Variants in SPATS2L observed in about 807,000 individuals in gnomAD.
SPATS2L encodes spermatogenesis associated serine rich 2 like, also known as SPATS2-like protein.
Under a neutral mutation model 59.6 loss-of-function variants are expected in SPATS2L, and 30 were observed. That is an observed-to-expected ratio of 0.50 (90% CI 0.38 to 0.68). The LOEUF (loss-of-function observed/expected upper bound fraction) is 0.68. SPATS2L is among the 30% of genes least tolerant of loss of function. The pLI is 0.00. For missense variants in SPATS2L, 615 were observed against 700.0 expected (o/e 0.88, Z 1.37); for synonymous variants, 252 against 263.5 (o/e 0.96, Z 0.42).
intron 3 of SPATS2L, among the ~76,000 whole-genome samples, chr2:200,394,215 C>T (rs1017648692): frequency 2.0e-5 from 3 of 152,192 alleles, no homozygotes; most frequent in African/African-American, 7.2e-5. Flanking sequence ...GAGTGGACCC[C>T]GTCCACCTTT....
rs1176097933 is a variant in SPATS2L at position 200,479,985 on chromosome 2, T to A, written c.*1954T>A. On this transcript the variant is annotated 3_prime_UTR_variant, in exon 13 of 13. Transcript: ENST00000409140. ...AAATGTTCGGCACTGTAGGCCCTGT[T>A]TACCCCATCTGAGGCCCTGAATTCA... is the stretch of plus-strand genomic sequence containing the variant. 1 of 372,640 alleles carries A rather than the reference T, an allele frequency of 2.7e-6. No homozygotes were observed. The highest frequency in any genetic ancestry group is 2.1e-5 in the African/African-American group (1 of 48,262). The allele number at this position is 372,640 out of a possible 1,614,324, so 23.1% of individuals were successfully genotyped here.
chr2:200,419,193 C>A (rs1404404342), intron 5 of SPATS2L, 57 bp from the exon 6 acceptor site: 10 of 1,476,110 alleles, frequency 6.8e-6, no homozygotes, highest in Non-Finnish European at 9.1e-6. Flanking sequence ...CTCAGATTCA[C>A]CTTATATTTC....
intron 2 of SPATS2L, among the ~76,000 whole-genome samples, chr2:200,340,311 G>GT (rs1042150777): frequency 3.9e-5 from 6 of 152,130 alleles, no homozygotes; most frequent in Non-Finnish European, 5.9e-5. Context: ...GCCACCAGCA[G>GT]TTTTTTCTGC....
chr2:200,363,221 C>T lies in SPATS2L; in HGVS notation c.-22-26002C>T, dbSNP rs577583822. On this transcript the variant is annotated intron_variant, in intron 2 of 12. Coordinates refer to ENST00000409140, the MANE Select transcript of SPATS2L (RefSeq NM_001100423.2). ...TTTTTTTTTAATTATACTACTACTA[C>T]CACCTCGTTATAAAATCTGCATTAC... 3.5e-3 allele frequency among the ~76,000 whole-genome samples: 528 copies of T among 152,180 alleles called. 3 individuals are homozygous for T. Among genetic ancestry groups the T allele is most frequent in the Admixed American group, 7.0e-3 (107 of 15,282 alleles).
chr2:200,339,945 G>T (rs757590864), intron 2 of SPATS2L, among the ~76,000 whole-genome samples: 14 of 152,144 alleles, frequency 9.2e-5, no homozygotes, highest in South Asian at 2.1e-4. Context: ...TTGTGTCGGG[G>T]GTGCCCTGAG....
rs1342557678 is a variant in SPATS2L, at chr2:200,481,394, C to G, written c.*3363C>G. 2 of 152,220 alleles carry G rather than the reference C, an allele frequency of 1.3e-5. No individual in the cohort carries two copies. The highest frequency in any genetic ancestry group is 4.8e-5 in the African/African-American group (2 of 41,454). 9.4% of individuals were successfully genotyped at this position (152,220 alleles called of 1,614,324 possible). ...TGAAAGCCTTGATTTGAACCTCAAA[C>G]TTGATTTCACCATGAGAAGTGGGGA... is the stretch of plus-strand genomic sequence containing the variant. On this transcript the variant is annotated 3_prime_UTR_variant, in exon 13 of 13. Coordinates refer to ENST00000409140, the MANE Select transcript of SPATS2L (RefSeq NM_001100423.2).
At chr2:200,372,787 T>C (rs296781) in intron 2 of SPATS2L, among the ~76,000 whole-genome samples, 29,592 of 152,128 alleles carry the variant, frequency 0.19, 5,084 homozygotes, top group African/African-American at 0.47. Flanking sequence ...CCTTAACATA[T>C]AAGCCTTAGT....
intron 2 of SPATS2L, among the ~76,000 whole-genome samples, chr2:200,355,563 A>G: frequency 6.6e-6 from 1 of 152,212 alleles, no homozygotes; most frequent in Admixed American, 6.5e-5. Flanking sequence ...TCCACACACG[A>G]TTGTTCTTCA....
At chr2:200,405,413 C>T (rs1184163085) in intron 3 of SPATS2L, among the ~76,000 whole-genome samples, 1 of 151,872 alleles carries the variant, frequency 6.6e-6, no homozygotes, top group Non-Finnish European at 1.5e-5. Flanking sequence ...TGATTTGTAC[C>T]CCTGGTGTTA....
intron 2 of SPATS2L, among the ~76,000 whole-genome samples, chr2:200,377,366 A>G (rs988147773): frequency 6.6e-6 from 1 of 152,230 alleles, no homozygotes; most frequent in Admixed American, 6.5e-5. Flanking sequence ...TAAGGGCCCA[A>G]GATCCTGTGC....
intron 1 of SPATS2L, 71 bp downstream of exon 1, chr2:200,306,993 C>T: frequency 1.0e-6 from 1 of 979,650 alleles, no homozygotes; most frequent in Non-Finnish European, 1.2e-6. Flanking sequence ...GAGGGGCCTG[C>T]GCGGCCGGGA....
At chr2:200,426,332 T>C (rs902248516) in intron 6 of SPATS2L, among the ~76,000 whole-genome samples, 8 of 152,182 alleles carry the variant, frequency 5.3e-5, no homozygotes, top group Non-Finnish European at 1.2e-4. Flanking sequence ...CCTTGTGATC[T>C]GCCCACCTCG....
Position 200,440,660 on chromosome 2 carries a change from G to T in SPATS2L, c.664G>T (p.Glu222Ter). The T allele has an allele frequency of 1.2e-6, 2 of 1,612,298 alleles. No individual in the cohort carries two copies. Among genetic ancestry groups the T allele is most frequent in the South Asian group, 1.1e-5 (1 of 90,850 alleles). ...GACATCAATTTTAGGCCCAAATATT[G>T]AGAAATCAGTGAAGGATTTGCAACG... Reference protein sequence around the residue: ...ELAKKRGPNIEKSVKDLQRCT... With the variant: ...ELAKKRGPNI Residue 222 changes from glutamate (E) to a stop codon, truncating the protein, a stop_gained, in exon 8 of 13, where the codon GAG (glutamate) becomes TAG (stop). Transcript: ENST00000409140. LOFTEE classifies it high-confidence loss of function.
chr2:200,443,697 A>T (rs968868347), intron 8 of SPATS2L, among the ~76,000 whole-genome samples: 1 of 152,218 alleles, frequency 6.6e-6, no homozygotes, highest in Non-Finnish European at 1.5e-5. Context: ...TTGCTACCAA[A>T]AAGTGCCAGC....
intron 2 of SPATS2L, among the ~76,000 whole-genome samples, chr2:200,349,200 T>C (rs1375407839): frequency 6.6e-6 from 1 of 152,188 alleles, no homozygotes; most frequent in Non-Finnish European, 1.5e-5. Context: ...ACCACCAGCA[T>C]TCCGTCTGTC....
At chr2:200,413,839 C>T (rs1473792814) in intron 4 of SPATS2L, among the ~76,000 whole-genome samples, 2 of 152,166 alleles carry the variant, frequency 1.3e-5, no homozygotes, top group Admixed American at 1.3e-4. Context: ...ATCCATGGTG[C>T]ATAACTTTTC....
chr2:200,336,549 C>T (rs569911302), intron 2 of SPATS2L, among the ~76,000 whole-genome samples: 1 of 152,130 alleles, frequency 6.6e-6, no homozygotes, highest in Non-Finnish European at 1.5e-5. Context: ...CATTAAAAGA[C>T]CTTAATTTTT....
intron 2 of SPATS2L, among the ~76,000 whole-genome samples, chr2:200,382,231 T>C (rs1447915993): frequency 1.3e-5 from 2 of 152,102 alleles, no homozygotes. Flanking sequence ...CACGCCATCA[T>C]GCCCAGCTAA....
intron 6 of SPATS2L, among the ~76,000 whole-genome samples, chr2:200,422,125 A>G (rs1396205287): frequency 6.6e-6 from 1 of 152,238 alleles, no homozygotes; most frequent in Non-Finnish European, 1.5e-5. Flanking sequence ...TTTCTTGCAC[A>G]GTGATCCCAT....
Sources: allele counts gnomAD v4.1 joint callset (sites outside exome capture counted in the v4.1 genomes callset), GRCh38; gene constraint gnomAD v4.1.1; transcripts MANE v1.5; gene names NCBI Gene and HGNC (gene_info 2026-07-23, HGNC 2026-07-21).